The following UNC13C variants were observed in gnomAD, a reference collection of about 807,000 sequenced individuals.
UNC13C encodes the protein protein unc-13 homolog C.
In UNC13C, 174 loss-of-function variants were observed where a neutral mutation model predicts 245.4. That is an observed-to-expected ratio of 0.71 (90% CI 0.63 to 0.80). UNC13C has a LOEUF of 0.80. Ranked by LOEUF, UNC13C falls within the 30% of genes least tolerant of loss-of-function variation. The pLI, the probability that UNC13C is intolerant of heterozygous loss-of-function variation, is 0.00. For synonymous variants in UNC13C, 992 were observed against 895.1 expected, an observed-to-expected ratio of 1.11 and a Z score of -1.93; for missense variants, 2,829 against 2,602.9, an observed-to-expected ratio of 1.09 and a Z score of -1.89.
intron 4 of UNC13C, among the ~76,000 whole-genome samples, chr15:54,181,848 T>C (rs1314471856): frequency 6.6e-6 from 1 of 152,024 alleles, no homozygotes; most frequent in Non-Finnish European, 1.5e-5. Flanking sequence ...GTTTTAGTGT[T>C]GTATAGAAAT....
At chr15:54,547,338 T>G (rs1371024795) in intron 27 of UNC13C, among the ~76,000 whole-genome samples, 1 of 152,048 alleles carries the variant, frequency 6.6e-6, no homozygotes, top group Non-Finnish European at 1.5e-5. Context: ...TGTGATTGTA[T>G]CACACAAAGA....
At chr15:54,301,746 C>T (rs984874677) in intron 13 of UNC13C, among the ~76,000 whole-genome samples, 1 of 152,116 alleles carries the variant, frequency 6.6e-6, no homozygotes, top group Non-Finnish European at 1.5e-5. Context: ...CTGTGATAAA[C>T]ATACGTGTGC....
Position 54,374,720 on chromosome 15 carries a change from G to C in UNC13C, c.4714-18328G>C, listed in dbSNP as rs543416762. On this transcript the variant is annotated intron_variant, in intron 17 of 32. Coordinates refer to ENST00000260323, the MANE Select transcript of UNC13C (RefSeq NM_001080534.3). ...GCAGGATTTCCATTCCTCCAACTTGGAAGGGGTGGGGGCTTCTGCCTGTTC... is the reference window on the plus strand; with the variant it reads ...GCAGGATTTCCATTCCTCCAACTTGCAAGGGGTGGGGGCTTCTGCCTGTTC... 4.6e-5 allele frequency among the ~76,000 whole-genome samples: 7 copies of C among 152,356 alleles called. 1 individual carries two copies. The highest frequency in any genetic ancestry group is 8.8e-5 in the Non-Finnish European group (6 of 68,034).
intron 19 of UNC13C, among the ~76,000 whole-genome samples, chr15:54,450,215 G>T (rs1257449447): frequency 2.0e-5 from 3 of 152,224 alleles, no homozygotes; most frequent in Admixed American, 1.3e-4. Context: ...CTACTCGGGG[G>T]TCGGGGACCC....
chr15:53,889,777 T>G, the UNC13C span, among the ~76,000 whole-genome samples: 1 of 152,226 alleles, frequency 6.6e-6, no homozygotes, highest in Admixed American at 6.5e-5. Context: ...TGTTGAATTT[T>G]GTCAAAGGCC....
chr15:54,387,849 C>A (rs1180375303), intron 17 of UNC13C, among the ~76,000 whole-genome samples: 1 of 152,100 alleles, frequency 6.6e-6, no homozygotes, highest in East Asian at 1.9e-4. Flanking sequence ...TTTATATCTA[C>A]CCTGTCCTGA....
intron 11 of UNC13C, among the ~76,000 whole-genome samples, chr15:54,297,132 G>A: frequency 6.6e-6 from 1 of 152,254 alleles, no homozygotes; most frequent in Non-Finnish European, 1.5e-5. Flanking sequence ...ACAGCTTTCA[G>A]ATAAAATAAT....
At chr15:53,938,209 AAAAAG>A in the UNC13C span, among the ~76,000 whole-genome samples, 2 of 152,142 alleles carry the variant, frequency 1.3e-5, no homozygotes, top group African/African-American at 2.4e-5. Context: ...AAGCAGAAAA[AAAAAG>A]AGTCACATTC....
At position 54,594,944 on chromosome 15, in the gene UNC13C, C is replaced by T. The variant is rs948436193; in HGVS notation, c.6106+26997C>T. Among the ~76,000 whole-genome samples the T allele has an allele frequency of 2.6e-5, 4 of 152,198 alleles. No individual in the cohort carries two copies. The East Asian group carries it at 5.8e-4, about 22-fold the overall frequency. On this transcript the variant is annotated intron_variant, in intron 30 of 32. Transcript: ENST00000260323. ...GCTCACGGCCCAGAGCTCTTGGGCT[C>T]TGCCCAATTTATTGGTTTACAAGCT... is the stretch of plus-strand genomic sequence containing the variant.
the UNC13C span, among the ~76,000 whole-genome samples, chr15:53,854,555 C>T: frequency 2.6e-5 from 4 of 152,236 alleles, no homozygotes. Flanking sequence ...ATAGAGAATC[C>T]TTTCCCCATT....
chr15:53,967,959 T>C, the UNC13C span: 4 of 152,182 alleles, frequency 2.6e-5, no homozygotes, highest in Non-Finnish European at 5.9e-5. Flanking sequence ...CAAAATATTT[T>C]GTATCTTTAG....
chr15:54,428,577 C>T (rs149952783), intron 19 of UNC13C, among the ~76,000 whole-genome samples: 1 of 151,668 alleles, frequency 6.6e-6, no homozygotes, highest in African/African-American at 2.4e-5. Flanking sequence ...CTGTTTCCCA[C>T]CTTAGACTGT....
chr15:54,234,841 G>T (rs1432511192), intron 4 of UNC13C, among the ~76,000 whole-genome samples, 189 bp from the exon 5 acceptor site: 1 of 152,158 alleles, frequency 6.6e-6, no homozygotes, highest in African/African-American at 2.4e-5. Flanking sequence ...AGCAAATGTG[G>T]TAGCTACAGT....
chr15:53,963,082 T>G, the UNC13C span, among the ~76,000 whole-genome samples: 1 of 152,028 alleles, frequency 6.6e-6, no homozygotes, highest in Admixed American at 6.6e-5. Context: ...CTACAGAAGG[T>G]AGGGTATGTT....
intron 15 of UNC13C, 110 bp from the exon 16 acceptor site, chr15:54,333,657 T>G: frequency 3.1e-6 from 2 of 646,946 alleles, no homozygotes; most frequent in Non-Finnish European, 5.4e-6. Flanking sequence ...TTTTTAAAAT[T>G]GTATACAGTT....
chr15:53,872,160 A>G, the UNC13C span, among the ~76,000 whole-genome samples: 1 of 152,188 alleles, frequency 6.6e-6, no homozygotes, highest in African/African-American at 2.4e-5. Context: ...TTTCACATTC[A>G]GTAGATTCCA....
intron 4 of UNC13C, among the ~76,000 whole-genome samples, chr15:54,147,484 G>A (rs1437059809): frequency 2.6e-5 from 4 of 152,170 alleles, no homozygotes; most frequent in Admixed American, 6.5e-5. Flanking sequence ...CTCCCAAAGT[G>A]CTGGGATTAC....
At chr15:54,136,973 A>G (rs1264447567) in intron 2 of UNC13C, among the ~76,000 whole-genome samples, 1 of 151,952 alleles carries the variant, frequency 6.6e-6, no homozygotes, top group African/African-American at 2.4e-5. Flanking sequence ...AGTAGCTGGG[A>G]GTAGAGGTGT....
chr15:54,428,710 G>T (rs564823000), intron 19 of UNC13C, among the ~76,000 whole-genome samples: 2 of 151,586 alleles, frequency 1.3e-5, no homozygotes, highest in South Asian at 2.1e-4. Context: ...CTCAGTTTAG[G>T]TTCCTGGTAT....
Sources: allele counts gnomAD v4.1 joint callset (sites outside exome capture counted in the v4.1 genomes callset), GRCh38; gene constraint gnomAD v4.1.1; transcripts MANE v1.5; gene names NCBI Gene and HGNC (gene_info 2026-07-23, HGNC 2026-07-21).